NDST4: variants seen among roughly 807,000 people sequenced by gnomAD.
NDST4 encodes the protein N-heparan sulfate sulfotransferase 4.
Under a neutral mutation model 100.8 loss-of-function variants are expected in NDST4, and 63 were observed. The observed-to-expected ratio is 0.62, with a 90% confidence interval of 0.51 to 0.77. NDST4 has a LOEUF of 0.77. Among genes scored for constraint, NDST4 ranks in the 30% least tolerant of loss-of-function variants. NDST4 has a pLI of 0.00. For missense variants in NDST4, 943 were observed against 1,018.4 expected (o/e 0.93, Z 1.01); for synonymous variants, 377 against 361.8 (o/e 1.04, Z -0.48).
chr4:115,029,615 T>C (rs190483147), intron 2 of NDST4, among the ~76,000 whole-genome samples: 1 of 152,170 alleles, frequency 6.6e-6, no homozygotes, highest in African/African-American at 2.4e-5. Flanking sequence ...TGGGGGCCGT[T>C]AGAAGACAAT....
At chr4:115,064,168 GA>G (rs1472070186) in intron 2 of NDST4, among the ~76,000 whole-genome samples, 2 of 151,886 alleles carry the variant, frequency 1.3e-5, no homozygotes, top group East Asian at 3.9e-4. Context: ...GCCTTGTTTT[GA>G]AAAGTATATT....
chr4:114,925,228 G>T (rs936234526), intron 6 of NDST4, among the ~76,000 whole-genome samples: 2 of 152,036 alleles, frequency 1.3e-5, no homozygotes, highest in South Asian at 2.1e-4. Flanking sequence ...AATCATCAAA[G>T]AATACTTGGA....
intron 4 of NDST4, among the ~76,000 whole-genome samples, chr4:114,961,335 G>T (rs765014803): frequency 4.6e-5 from 7 of 151,282 alleles, no homozygotes; most frequent in African/African-American, 1.7e-4. Flanking sequence ...TAGAAGGAAA[G>T]AAATAATAAA....
intron 2 of NDST4, among the ~76,000 whole-genome samples, chr4:114,998,671 A>C (rs1727217166): frequency 6.6e-6 from 1 of 152,098 alleles, no homozygotes; most frequent in Non-Finnish European, 1.5e-5. Flanking sequence ...GTCTGACTAT[A>C]GTTTTGCAAT....
chr4:115,043,248 G>C (rs934554111), intron 2 of NDST4, among the ~76,000 whole-genome samples: 1 of 151,942 alleles, frequency 6.6e-6, no homozygotes, highest in Non-Finnish European at 1.5e-5. Context: ...TGATACATTA[G>C]AATATGTCTC....
chr4:114,863,983 C>T (rs191767691), intron 7 of NDST4, among the ~76,000 whole-genome samples: 1 of 152,216 alleles, frequency 6.6e-6, no homozygotes, highest in Non-Finnish European at 1.5e-5. Context: ...GAATATCATA[C>T]CATTTACCTT....
At chr4:115,007,119 T>C (rs1175538554) in intron 2 of NDST4, among the ~76,000 whole-genome samples, 2 of 152,286 alleles carry the variant, frequency 1.3e-5, no homozygotes, top group East Asian at 1.9e-4. Flanking sequence ...GAGATACTGA[T>C]AGTTAAATTA....
chr4:114,896,659 C>A (rs1186571304), intron 6 of NDST4, among the ~76,000 whole-genome samples: 2 of 151,244 alleles, frequency 1.3e-5, no homozygotes, highest in Admixed American at 6.6e-5. Context: ...GGGTAAAATA[C>A]TGCATTTTAG....
At position 114,893,120 on chromosome 4, in the gene NDST4, A is replaced by T. The variant is rs998386617; in HGVS notation, c.1537-22170T>A. 2.0e-5 allele frequency among the ~76,000 whole-genome samples: 3 copies of T among 152,286 alleles called. No homozygotes were observed. In the East Asian group the frequency reaches 5.8e-4, roughly 29 times the overall value. ...TAGTATTCCATGGTGTATATGTAGC[A>T]CATTTCCTTTATCCAGTATATCATT... On this transcript the variant is annotated intron_variant, in intron 6 of 13. Coordinates refer to ENST00000264363, the MANE Select transcript of NDST4 (RefSeq NM_022569.3).
intron 2 of NDST4, among the ~76,000 whole-genome samples, chr4:115,019,992 AT>A (rs1727774984): frequency 6.6e-6 from 1 of 152,260 alleles, no homozygotes; most frequent in East Asian, 1.9e-4. Context: ...ACTAAAAAAA[AT>A]TGATACCGAA....
intron 6 of NDST4, among the ~76,000 whole-genome samples, chr4:114,910,770 A>T (rs1160941223): frequency 1.3e-5 from 2 of 152,278 alleles, no homozygotes; most frequent in African/African-American, 4.8e-5. Context: ...CTCCAAACTG[A>T]TCATCTCCCA....
At chr4:115,002,009 A>G (rs1727301657) in intron 2 of NDST4, among the ~76,000 whole-genome samples, 1 of 152,308 alleles carries the variant, frequency 6.6e-6, no homozygotes, top group Middle Eastern at 3.4e-3. Context: ...TCTATCAAAT[A>G]ATAAATTAAA....
At chr4:115,001,216 G>A (rs1183849674) in intron 2 of NDST4, among the ~76,000 whole-genome samples, 1 of 151,662 alleles carries the variant, frequency 6.6e-6, no homozygotes, top group East Asian at 1.9e-4. Context: ...TAGCACCTTG[G>A]TTTTCTGGCA....
chr4:115,022,436 T>TATATGTGTTCCATATATATGTGTTCC (rs1727871408), intron 2 of NDST4, among the ~76,000 whole-genome samples: 2 of 86,166 alleles, frequency 2.3e-5, no homozygotes, highest in African/African-American at 7.7e-5. Flanking sequence ...ATGTGTTCCA[T>TATATGTGTTCCATATATATGTGTTCC]ATATATGTGT....
chr4:114,978,085 C>T lies in NDST4; in HGVS notation c.979-811G>A, dbSNP rs546781056. Among the ~76,000 whole-genome samples, 16 of 152,002 alleles carry T rather than the reference C, an allele frequency of 1.1e-4. No homozygotes were observed. The South Asian group carries it at 3.3e-3, about 31-fold the overall frequency. ...AATTCAGAACCCTTATATCCTTGGG[C>T]TTTTTAGTTTGCTTACTGGTATGCA... On this transcript the variant is annotated intron_variant, in intron 2 of 13. Transcript: ENST00000264363.
intron 1 of NDST4, among the ~76,000 whole-genome samples, chr4:115,081,235 T>G (rs1414584883): frequency 6.6e-6 from 1 of 152,152 alleles, no homozygotes; most frequent in Admixed American, 6.5e-5. Context: ...AAGACATATG[T>G]GTTTTCAATG....
At chr4:114,998,712 A>G (rs958672985) in intron 2 of NDST4, among the ~76,000 whole-genome samples, 3 of 152,006 alleles carry the variant, frequency 2.0e-5, no homozygotes, top group African/African-American at 7.2e-5. Context: ...TATGCCCCTA[A>G]ACTTTATCAA....
intron 3 of NDST4, among the ~76,000 whole-genome samples, chr4:114,973,893 A>G (rs965508512): frequency 1.3e-5 from 2 of 151,732 alleles, no homozygotes; most frequent in Non-Finnish European, 2.9e-5. Flanking sequence ...ATATGTGGGG[A>G]TAGAATAAAC....
chr4:114,842,500 T>A (rs1044656822), intron 10 of NDST4, among the ~76,000 whole-genome samples: 13 of 150,932 alleles, frequency 8.6e-5, no homozygotes, highest in Admixed American at 2.6e-4. Context: ...ACGACAAAAA[T>A]ACTTTTTGTG....
Sources: gnomAD v4.1 joint callset for allele counts (sites outside exome capture counted in the v4.1 genomes callset) on GRCh38, gnomAD v4.1.1 for gene constraint, MANE v1.5 for transcripts, NCBI Gene and HGNC (gene_info 2026-07-23, HGNC 2026-07-21) for gene names.